Variants in BRINP1 observed in about 807,000 individuals in gnomAD.
BRINP1 encodes the protein BMP/retinoic acid-inducible neural-specific protein 1.
Under a neutral mutation model 72.9 loss-of-function variants are expected in BRINP1, and 17 were observed. The ratio of observed to expected loss-of-function variants is 0.23; its 90% CI spans 0.16 to 0.35. BRINP1 has a LOEUF of 0.35. BRINP1 is among the 10% of genes least tolerant of loss of function. BRINP1 has a pLI of 1.00. For missense variants in BRINP1, 850 were observed against 1,001.6 expected (o/e 0.85, Z 2.04); for synonymous variants, 418 against 378.5 (o/e 1.10, Z -1.21).
chr9:119,169,671 G>T (rs1298911231), intron 7 of BRINP1, among the ~76,000 whole-genome samples: 1 of 152,332 alleles, frequency 6.6e-6, no homozygotes, highest in South Asian at 2.1e-4. Flanking sequence ...CTCCACCTCT[G>T]GGGGCAGGGC....
At chr9:119,176,179 A>C (rs1829487035) in intron 7 of BRINP1, among the ~76,000 whole-genome samples, 1 of 151,688 alleles carries the variant, frequency 6.6e-6, no homozygotes, top group Non-Finnish European at 1.5e-5. Context: ...GCTCAGAGTC[A>C]AACAAACAAT....
At chr9:119,346,751 A>C (rs1181494119) in intron 1 of BRINP1, among the ~76,000 whole-genome samples, 2 of 152,234 alleles carry the variant, frequency 1.3e-5, no homozygotes, top group Admixed American at 1.3e-4. Context: ...CAGACCACAG[A>C]GCTTGTGATT....
At chr9:119,319,360 T>C (rs536423427) in intron 1 of BRINP1, among the ~76,000 whole-genome samples, 2 of 152,180 alleles carry the variant, frequency 1.3e-5, no homozygotes, top group African/African-American at 4.8e-5. Flanking sequence ...TCAGAATATA[T>C]CTCTGTTGAT....
intron 7 of BRINP1, among the ~76,000 whole-genome samples, chr9:119,204,086 G>T (rs1829829199): frequency 6.6e-6 from 1 of 152,134 alleles, no homozygotes; most frequent in Admixed American, 6.5e-5. Context: ...AGTCCCCGTG[G>T]AGAGGTCCTG....
chr9:119,348,336 T>C (rs1831469424), intron 1 of BRINP1, among the ~76,000 whole-genome samples: 1 of 152,226 alleles, frequency 6.6e-6, no homozygotes, highest in African/African-American at 2.4e-5. Flanking sequence ...CTTGTCTAGA[T>C]ATCACAGTTT....
chr9:119,284,361 C>T (rs1830740217), intron 2 of BRINP1, among the ~76,000 whole-genome samples: 1 of 152,220 alleles, frequency 6.6e-6, no homozygotes, highest in Non-Finnish European at 1.5e-5. Context: ...GCAAGAGGCC[C>T]TAACTCAGCC....
intron 7 of BRINP1, among the ~76,000 whole-genome samples, chr9:119,176,391 TAAC>T (rs1045844596): frequency 6.6e-6 from 1 of 152,172 alleles, no homozygotes; most frequent in African/African-American, 2.4e-5. Flanking sequence ...TAGGAAGTGT[TAAC>T]AATCCATCTA....
intron 1 of BRINP1, among the ~76,000 whole-genome samples, chr9:119,348,470 T>C (rs553404414): frequency 8.5e-5 from 13 of 152,200 alleles, no homozygotes; most frequent in Non-Finnish European, 1.9e-4. Context: ...CTTTGGTAAA[T>C]GTCAAGGACC....
intron 1 of BRINP1, among the ~76,000 whole-genome samples, chr9:119,324,011 GA>G (rs1452323404): frequency 6.6e-6 from 1 of 152,138 alleles, no homozygotes; most frequent in African/African-American, 2.4e-5. Flanking sequence ...AATGTCAGAG[GA>G]AACCTGATCC....
intron 2 of BRINP1, 86 bp downstream of exon 2, chr9:119,313,052 A>C (rs2118994876): frequency 6.9e-7 from 1 of 1,458,332 alleles, no homozygotes; most frequent in Admixed American, 2.1e-5. Flanking sequence ...ACACTTCTGC[A>C]CACAGCAAGG....
chr9:119,318,843 G>GT (rs1831153659), intron 1 of BRINP1, among the ~76,000 whole-genome samples: 4 of 118,390 alleles, frequency 3.4e-5, no homozygotes, highest in Non-Finnish European at 5.5e-5. Flanking sequence ...GAAATGTGTG[G>GT]GGTGTGTGTG....
chr9:119,205,496 T>A (rs186662020), intron 7 of BRINP1, among the ~76,000 whole-genome samples: 11 of 152,292 alleles, frequency 7.2e-5, no homozygotes, highest in Admixed American at 7.2e-4. Flanking sequence ...CAGAGACTTA[T>A]TCAAAGATGC....
At chr9:119,225,161 C>G (rs1016318296) in intron 5 of BRINP1, among the ~76,000 whole-genome samples, 1 of 151,916 alleles carries the variant, frequency 6.6e-6, no homozygotes, top group Admixed American at 6.6e-5. Context: ...AAATGAAAAA[C>G]TAAAATGTAG....
chr9:119,181,717 T>A (rs1829560543), intron 7 of BRINP1, among the ~76,000 whole-genome samples: 2 of 151,852 alleles, frequency 1.3e-5, no homozygotes, highest in Middle Eastern at 3.2e-3. Flanking sequence ...GGTTATTCAG[T>A]CTCCACAGTT....
At chr9:119,326,203 A>G (rs1564248947) in intron 1 of BRINP1, among the ~76,000 whole-genome samples, 1 of 152,212 alleles carries the variant, frequency 6.6e-6, no homozygotes, top group Non-Finnish European at 1.5e-5. Flanking sequence ...GTACCTAAAA[A>G]TGGCAGAATT....
intron 6 of BRINP1, among the ~76,000 whole-genome samples, chr9:119,213,290 T>G (rs535784342): frequency 1.3e-5 from 2 of 152,312 alleles, no homozygotes; most frequent in Admixed American, 1.3e-4. Context: ...CCAACAAAAC[T>G]CAAATGTCCA....
At chr9:119,175,262 A>G (rs963431617) in intron 7 of BRINP1, among the ~76,000 whole-genome samples, 1 of 151,758 alleles carries the variant, frequency 6.6e-6, no homozygotes, top group African/African-American at 2.4e-5. Flanking sequence ...CAAACTAACA[A>G]ACATAAGAAC....
chr9:119,364,956 G>T (rs996762865), intron 1 of BRINP1, among the ~76,000 whole-genome samples: 1 of 152,246 alleles, frequency 6.6e-6, no homozygotes, highest in Non-Finnish European at 1.5e-5. Flanking sequence ...CAGAGAGAGA[G>T]ATGACAGTTG....
chr9:119,209,194 G>A lies in BRINP1; in HGVS notation c.923-253C>T, dbSNP rs117788395. ...CAGGGCTTCCCAAACTTCTGGCGTC[G>A]GAATACCAACCTCATAGTAATATTC... On this transcript the variant is annotated intron_variant, in intron 6 of 7. Coordinates refer to ENST00000265922, the MANE Select transcript of BRINP1 (RefSeq NM_014618.3). 5.9e-3 allele frequency among the ~76,000 whole-genome samples: 897 copies of A among 152,186 alleles called. 3 individuals are homozygous for A. Among genetic ancestry groups the A allele is most frequent in the Non-Finnish European group, 1.0e-2 (678 of 68,002 alleles).
Sources: gnomAD v4.1 joint callset for allele counts (sites outside exome capture counted in the v4.1 genomes callset) on GRCh38, gnomAD v4.1.1 for gene constraint, MANE v1.5 for transcripts, NCBI Gene and HGNC (gene_info 2026-07-23, HGNC 2026-07-21) for gene names.